The following FHOD3 variants were observed in gnomAD, a reference collection of about 807,000 sequenced individuals.
FHOD3 encodes FH1/FH2 domain-containing protein 3.
In FHOD3, 90 loss-of-function variants were observed where a neutral mutation model predicts 173.0. The ratio of observed to expected loss-of-function variants is 0.52; its 90% confidence interval spans 0.44 to 0.62. The LOEUF is 0.62. FHOD3 is among the 20% of genes least tolerant of loss of function. The pLI, the probability that FHOD3 is intolerant of heterozygous loss-of-function variation, is 0.00. For missense variants in FHOD3, 1,945 were observed against 2,034.7 expected, an observed-to-expected ratio of 0.96 and a Z score of 0.85; for synonymous variants, 828 against 823.0, an observed-to-expected ratio of 1.01 and a Z score of -0.10.
chr18:36,687,960 A>C (rs992900504), intron 16 of FHOD3, among the ~76,000 whole-genome samples: 2 of 152,218 alleles, frequency 1.3e-5, no homozygotes, highest in Non-Finnish European at 2.9e-5. Context: ...ATTACTTTAT[A>C]AGATTAAGAA....
intron 1 of FHOD3, among the ~76,000 whole-genome samples, chr18:36,344,593 T>C (rs1218549351): frequency 6.6e-6 from 1 of 151,814 alleles, no homozygotes; most frequent in Non-Finnish European, 1.5e-5. Context: ...TAGAAAGGAA[T>C]ATAGAAGAAT....
At chr18:36,639,715 C>T (rs28494676) in intron 10 of FHOD3, among the ~76,000 whole-genome samples, 6 of 149,776 alleles carry the variant, frequency 4.0e-5, no homozygotes, top group East Asian at 2.0e-4. Context: ...CCCAGCTACT[C>T]GGGAGGCTGA....
At chr18:36,631,752 C>T (rs917155995) in intron 10 of FHOD3, among the ~76,000 whole-genome samples, 1 of 152,200 alleles carries the variant, frequency 6.6e-6, no homozygotes, top group Non-Finnish European at 1.5e-5. Flanking sequence ...CTCCAGAGTC[C>T]ATGTCCTCAC....
chr18:36,419,305 A>C (rs2049859883), intron 3 of FHOD3, among the ~76,000 whole-genome samples: 1 of 151,802 alleles, frequency 6.6e-6, no homozygotes, highest in African/African-American at 2.4e-5. Context: ...TCTGTTGTTG[A>C]CTATTCCTCT....
intron 3 of FHOD3, among the ~76,000 whole-genome samples, chr18:36,430,987 A>G (rs2050517089): frequency 6.6e-6 from 1 of 152,230 alleles, no homozygotes; most frequent in African/African-American, 2.4e-5. Context: ...AGCGATACAA[A>G]GCTGATAGGG....
chr18:36,755,634 G>A (rs1295857020), intron 25 of FHOD3, among the ~76,000 whole-genome samples: 1 of 152,052 alleles, frequency 6.6e-6, no homozygotes, highest in African/African-American at 2.4e-5. Context: ...TGTGGGTAAA[G>A]TTGGATGAAG....
intron 5 of FHOD3, among the ~76,000 whole-genome samples, chr18:36,546,231 A>C (rs1043961859): frequency 9.2e-5 from 14 of 152,214 alleles, no homozygotes; most frequent in African/African-American, 3.4e-4. Flanking sequence ...GTGCTACTAC[A>C]AATAGGGACT....
rs145975048 is a variant in FHOD3 at position 36,692,811 on chromosome 18, C to G, written c.2022-398C>G. On this transcript the variant is annotated intron_variant, in intron 16 of 28. Coordinates refer to ENST00000590592, the MANE Select transcript of FHOD3 (RefSeq NM_001281740.3). Reference sequence around the variant, plus strand: ...GGGCATTTTTTTTCTCTCTGCCACACCAAGGCACCCACCCATTTCACAGCT... The same window carrying G: ...GGGCATTTTTTTTCTCTCTGCCACAGCAAGGCACCCACCCATTTCACAGCT... Among the ~76,000 whole-genome samples the G allele has an allele frequency of 3.5e-3, 539 of 152,282 alleles. 1 individual carries two copies. Among genetic ancestry groups the G allele is most frequent in the African/African-American group, 0.013 (529 of 41,550 alleles).
chr18:36,646,010 A>G (rs2035657492), intron 10 of FHOD3, among the ~76,000 whole-genome samples: 1 of 152,210 alleles, frequency 6.6e-6, no homozygotes, highest in East Asian at 1.9e-4. Flanking sequence ...ATTTGGAACA[A>G]GAAAAGGAAG....
intron 3 of FHOD3, among the ~76,000 whole-genome samples, chr18:36,465,143 C>T (rs946772386): frequency 1.2e-4 from 19 of 152,126 alleles, no homozygotes; most frequent in Non-Finnish European, 7.3e-5. Context: ...GCCTGGCCAA[C>T]ATGGTGAAAC....
intron 1 of FHOD3, among the ~76,000 whole-genome samples, chr18:36,310,689 A>C (rs1418447761): frequency 2.8e-5 from 4 of 145,340 alleles, no homozygotes; most frequent in South Asian, 2.1e-4. Context: ...CTCCATCTCA[A>C]AAAAAAAAAA....
chr18:36,600,539 C>A (rs186272159), intron 7 of FHOD3, among the ~76,000 whole-genome samples: 198 of 152,274 alleles, frequency 1.3e-3, no homozygotes, highest in African/African-American at 4.5e-3. Context: ...TAAGAGTGTA[C>A]AAATATATGC....
chr18:36,494,942 A>G (rs1254366947), intron 3 of FHOD3, among the ~76,000 whole-genome samples: 2 of 152,124 alleles, frequency 1.3e-5, no homozygotes, highest in Non-Finnish European at 2.9e-5. Context: ...TGCCCAAACC[A>G]GCAACTCTGA....
At chr18:36,533,070 C>G (rs575248143) in intron 5 of FHOD3, among the ~76,000 whole-genome samples, 54 of 152,264 alleles carry the variant, frequency 3.5e-4, no homozygotes, top group African/African-American at 1.3e-3. Flanking sequence ...ATTATGCTTC[C>G]TCGAGGCCAC....
intron 2 of FHOD3, among the ~76,000 whole-genome samples, chr18:36,363,678 A>G (rs2046746574): frequency 6.7e-6 from 1 of 149,080 alleles, no homozygotes; most frequent in African/African-American, 2.6e-5. Flanking sequence ...GGTGGAGCAC[A>G]GGGGATCTTT....
At chr18:36,367,285 T>C (rs2145976758) in intron 2 of FHOD3, among the ~76,000 whole-genome samples, 1 of 152,284 alleles carries the variant, frequency 6.6e-6, no homozygotes, top group Non-Finnish European at 1.5e-5. Context: ...TTTTAGATAG[T>C]CCCCTTGGCA....
rs73949879 is a variant in FHOD3 at position 36,724,598 on chromosome 18, G to A, written c.3417+5883G>A. Among the ~76,000 whole-genome samples the A allele has an allele frequency of 3.1e-3, 478 of 152,232 alleles. 3 individuals are homozygous for A. Among genetic ancestry groups the A allele is most frequent in the African/African-American group, 0.011 (446 of 41,542 alleles). ...CAGTCCCTGAGTTGCCTTAATGACC[G>A]CCCTCCTGCTCCCTTTGAGTTTCCT... On this transcript the variant is annotated intron_variant, in intron 19 of 28. Coordinates refer to ENST00000590592, the MANE Select transcript of FHOD3 (RefSeq NM_001281740.3).
intron 3 of FHOD3, among the ~76,000 whole-genome samples, chr18:36,484,389 A>G (rs537192565): frequency 6.6e-6 from 1 of 152,330 alleles, no homozygotes; most frequent in African/African-American, 2.4e-5. Context: ...CAGACTGGCC[A>G]GGGAGGAGCT....
chr18:36,309,738 T>C (rs955338120), intron 1 of FHOD3, among the ~76,000 whole-genome samples: 1 of 152,244 alleles, frequency 6.6e-6, no homozygotes, highest in African/African-American at 2.4e-5. Context: ...TGGGCAGTCC[T>C]GTCCAGAACA....
Sources: allele counts gnomAD v4.1 joint callset (sites outside exome capture counted in the v4.1 genomes callset), GRCh38; gene constraint gnomAD v4.1.1; transcripts MANE v1.5; gene names NCBI Gene and HGNC (gene_info 2026-07-23, HGNC 2026-07-21).